Variants in UVSSA observed in about 807,000 individuals in gnomAD.
The protein encoded by UVSSA is UV stimulated scaffold protein A, also known as UV-stimulated scaffold protein A.
A neutral mutation model predicts 73.9 loss-of-function variants in UVSSA; 72 were observed. The ratio of observed to expected loss-of-function variants is 0.97; its 90% CI spans 0.81 to 1.19. UVSSA has a LOEUF of 1.19. UVSSA is among the 50% of genes most tolerant of loss of function. UVSSA has a pLI of 0.00. For synonymous variants in UVSSA, 454 were observed against 391.3 expected (o/e 1.16, Z -1.89); for missense variants, 1,150 against 965.0 (o/e 1.19, Z -2.54).
At chr4:1,392,813 G>C (rs1720437006), downstream of UVSSA, 1 of 152,190 alleles carries the variant, frequency 6.6e-6, no homozygotes, top group Non-Finnish European at 1.5e-5. Context: ...CTTCTGCCTA[G>C]TTATATTGAT....
At chr4:1,369,326 C>A (rs1717736766) in intron 8 of UVSSA, among the ~76,000 whole-genome samples, 1 of 152,230 alleles carries the variant, frequency 6.6e-6, no homozygotes, top group Non-Finnish European at 1.5e-5. Context: ...CAGGGAGGAC[C>A]CCTGGCCCCA....
chr4:1,349,002 G>GTTGTGCCGGGCGGTGTGCGGT, intron 2 of UVSSA, among the ~76,000 whole-genome samples: 1 of 95,918 alleles, frequency 1.0e-5, no homozygotes, highest in East Asian at 2.1e-4. Flanking sequence ...GGCGGTGTGC[G>GTTGTGCCGGGCGGTGTGCGGT]TTGTGCCGGG....
At position 1,353,195 on chromosome 4, in the gene UVSSA, G is replaced by A. The variant is rs140577099; in HGVS notation, c.716G>A (p.Arg239Gln). The part of the protein sequence containing the change: ...SSCAGQVGPC[R>Q]SGTPDPRDGE... Reference sequence around the variant, plus strand: ...TGCGCGGGCCAGGTGGGCCCCTGCCGGTCTGGCACCCCTGACCCCCGGGAC... The same window carrying A: ...TGCGCGGGCCAGGTGGGCCCCTGCCAGTCTGGCACCCCTGACCCCCGGGAC... The change falls in exon 5 of 14, where the codon CGG becomes CAG. Residue 239 changes from arginine to glutamine, a missense_variant. Physicochemically the swap from Arg to Gln is conservative, Grantham distance 43. Transcript: ENST00000389851. 309 of 1,612,742 alleles carry A rather than the reference G, an allele frequency of 1.9e-4. No homozygotes were observed. In the African/African-American group the frequency reaches 2.6e-3, roughly 14 times the overall value.
chr4:1,382,720 C>T (rs1006497449), intron 12 of UVSSA, among the ~76,000 whole-genome samples: 4 of 152,294 alleles, frequency 2.6e-5, no homozygotes, highest in South Asian at 2.1e-4. Flanking sequence ...TTGTGGGCCC[C>T]GTATTCCTTC....
At chr4:1,385,588 G>T in intron 13 of UVSSA, 2 of 481,362 alleles carry the variant, frequency 4.2e-6, no homozygotes, top group Admixed American at 3.4e-5. Context: ...CGGGAGAAGT[G>T]CCAAGGTGGG....
intron 3 of UVSSA, 56 bp downstream of exon 3, chr4:1,349,910 G>C: frequency 3.5e-6 from 5 of 1,425,558 alleles, no homozygotes; most frequent in Non-Finnish European, 1.9e-6. Flanking sequence ...GAGGAGGGCA[G>C]ACGATACCAG....
At chr4:1,381,686 CTTT>C (rs1318393473) in intron 12 of UVSSA, among the ~76,000 whole-genome samples, 12 of 131,728 alleles carry the variant, frequency 9.1e-5, no homozygotes, top group Non-Finnish European at 1.3e-4. Context: ...TTTGATTTGG[CTTT>C]TTTTTTTTTT....
At chr4:1,354,365 G>A (rs1246821099) in intron 5 of UVSSA, 7 of 295,848 alleles carry the variant, frequency 2.4e-5, no homozygotes, top group Non-Finnish European at 4.7e-5. Context: ...AGGCTGGGCT[G>A]GAGGGGCGCC....
chr4:1,348,245 C>G (rs1714035134), intron 2 of UVSSA, 56 bp downstream of exon 2: 2 of 1,393,628 alleles, frequency 1.4e-6, no homozygotes, highest in South Asian at 1.2e-5. Flanking sequence ...CCAGGACACA[C>G]ACAGGGCCCT....
chr4:1,372,379 C>CT (rs1718164289), intron 8 of UVSSA, among the ~76,000 whole-genome samples: 1 of 152,210 alleles, frequency 6.6e-6, no homozygotes, highest in African/African-American at 2.4e-5. Flanking sequence ...CCGTCCTTGT[C>CT]TCGTTTCCTT....
chr4:1,376,180 T>A lies in UVSSA; in HGVS notation c.1568+12T>A. On this transcript the variant is annotated intron_variant, in intron 10 of 13. Coordinates refer to ENST00000389851, the MANE Select transcript of UVSSA (RefSeq NM_020894.4). The stretch of plus-strand genomic sequence containing the variant: ...GGGAAGATTGTCAAGTGAGTCCCCA[T>A]GTGTCTGAAGTCGGCCAGGGCACAC... 1 of 1,604,862 alleles carries A rather than the reference T, an allele frequency of 6.2e-7. No individual in the cohort carries two copies. The highest frequency in any genetic ancestry group is 8.5e-7 in the Non-Finnish European group (1 of 1,175,000).
At chr4:1,348,692 A>G (rs1471483626) in intron 2 of UVSSA, among the ~76,000 whole-genome samples, 4 of 152,210 alleles carry the variant, frequency 2.6e-5, no homozygotes, top group Non-Finnish European at 4.4e-5. Flanking sequence ...GCATAAGTCG[A>G]GGACACTGAT....
chr4:1,388,165 A>AT (rs1720284644), downstream of UVSSA: 1 of 152,174 alleles, frequency 6.6e-6, no homozygotes, highest in African/African-American at 2.4e-5. Flanking sequence ...ATATTTTATT[A>AT]TTTTTGATTT....
At chr4:1,389,664 C>G (rs999438089), downstream of UVSSA, 3 of 152,164 alleles carry the variant, frequency 2.0e-5, no homozygotes, top group Admixed American at 6.5e-5. Context: ...CAGGCATGAG[C>G]CACCACACCC....
chr4:1,395,783 T>C lies in UVSSA; in HGVS notation c.*9822T>C, dbSNP rs142260088. Reference sequence around the variant, plus strand: ...ACGCTGTTACCGTACATTCTACTCATGGTGGCTTTTTAATACGTTTTTATG... The same window carrying C: ...ACGCTGTTACCGTACATTCTACTCACGGTGGCTTTTTAATACGTTTTTATG... On this transcript the variant is annotated 3_prime_UTR_variant, in exon 14 of 14. Coordinates refer to the UVSSA transcript ENST00000511216. 9.5e-5 allele frequency: 153 copies of C among 1,614,172 alleles called. No homozygotes were observed. In the African/African-American group the frequency reaches 1.7e-3, roughly 18 times the overall value.
intron 13 of UVSSA, chr4:1,385,630 C>T (rs1009561899): frequency 2.0e-5 from 11 of 560,826 alleles, no homozygotes; most frequent in Admixed American, 1.8e-4. Flanking sequence ...CAGAACCACC[C>T]GCCGCAGACT....
intron 8 of UVSSA, among the ~76,000 whole-genome samples, chr4:1,371,979 T>C (rs998684503): frequency 1.3e-5 from 2 of 152,242 alleles, no homozygotes; most frequent in African/African-American, 4.8e-5. Context: ...TCTGCACCCG[T>C]AGCCCTCAGC....
chr4:1,343,268 G>A (rs2109029935), upstream of UVSSA, among the ~76,000 whole-genome samples: 1 of 152,182 alleles, frequency 6.6e-6, no homozygotes, highest in African/African-American at 2.4e-5. Context: ...ACTTCCTCCT[G>A]TGCACACACA....
downstream of UVSSA, chr4:1,392,961 C>G (rs1057002537): frequency 1.3e-5 from 2 of 152,160 alleles, no homozygotes; most frequent in African/African-American, 4.8e-5. Context: ...GGTGAGTATG[C>G]CTTCAGCGCT....
Sources: allele counts gnomAD v4.1 joint callset (sites outside exome capture counted in the v4.1 genomes callset), GRCh38; gene constraint gnomAD v4.1.1; transcripts MANE v1.5; gene names NCBI Gene and HGNC (gene_info 2026-07-23, HGNC 2026-07-21).